BMPR1A: variants seen among roughly 807,000 people sequenced by gnomAD.
BMPR1A encodes bone morphogenetic protein receptor type 1A.
Under a neutral mutation model 66.0 loss-of-function variants are expected in BMPR1A, and 7 were observed. The ratio of observed to expected loss-of-function variants is 0.11; its 90% CI spans 0.06 to 0.20. The LOEUF is 0.20. Among genes scored for constraint, BMPR1A ranks in the 10% least tolerant of loss-of-function variants. The probability of loss-of-function intolerance (pLI) is 1.00; values close to 1 mark genes in which losing one functional copy is unlikely to be tolerated. For missense variants in BMPR1A, 408 were observed against 669.1 expected, an observed-to-expected ratio of 0.61 and a Z score of 4.31; for synonymous variants, 200 against 229.7, an observed-to-expected ratio of 0.87 and a Z score of 1.17.
At chr10:86,789,236 A>G (rs894713022) in intron 1 of BMPR1A, among the ~76,000 whole-genome samples, 1 of 152,232 alleles carries the variant, frequency 6.6e-6, no homozygotes, top group African/African-American at 2.4e-5. Flanking sequence ...TGGATTAGGC[A>G]GTGATTTCTT....
At chr10:86,919,671 T>A (rs1843632635) in intron 10 of BMPR1A, among the ~76,000 whole-genome samples, 1 of 151,260 alleles carries the variant, frequency 6.6e-6, no homozygotes, top group Admixed American at 6.6e-5. Context: ...TATATATATA[T>A]TTTTTTGGTG....
chr10:86,818,269 G>C (rs142132396), intron 1 of BMPR1A, among the ~76,000 whole-genome samples: 3 of 152,062 alleles, frequency 2.0e-5, no homozygotes, highest in African/African-American at 7.2e-5. Context: ...TGCCCTCCTC[G>C]GCCTCCAAAA....
At chr10:86,757,985 T>C (rs2132562420) in intron 1 of BMPR1A, among the ~76,000 whole-genome samples, 1 of 152,382 alleles carries the variant, frequency 6.6e-6, no homozygotes, top group Admixed American at 6.5e-5. Context: ...ACAACTACTT[T>C]ATTGTATTTA....
intron 11 of BMPR1A, 26 bp downstream of exon 11, chr10:86,921,721 A>G (rs1486321796): frequency 1.2e-6 from 2 of 1,614,078 alleles, no homozygotes; most frequent in South Asian, 1.1e-5. Flanking sequence ...GTTTCTGATT[A>G]TGTTGATTTA....
At chr10:86,870,127 T>C (rs375910804) in intron 2 of BMPR1A, among the ~76,000 whole-genome samples, 54 of 152,316 alleles carry the variant, frequency 3.5e-4, no homozygotes, top group African/African-American at 1.3e-3. Context: ...CCTCCCCTCT[T>C]TTCACTCTCT....
At chr10:86,811,734 A>G (rs1841973989) in intron 1 of BMPR1A, among the ~76,000 whole-genome samples, 1 of 152,216 alleles carries the variant, frequency 6.6e-6, no homozygotes, top group Admixed American at 6.5e-5. Context: ...TTGATGCTGA[A>G]TGCTGATTAG....
chr10:86,849,536 T>C (rs1372760252), intron 2 of BMPR1A, among the ~76,000 whole-genome samples: 2 of 152,260 alleles, frequency 1.3e-5, no homozygotes, highest in Non-Finnish European at 2.9e-5. Context: ...CAGTAACTTC[T>C]GTGCCTTAGA....
At chr10:86,886,880 G>A (rs1306001920) in intron 3 of BMPR1A, among the ~76,000 whole-genome samples, 8 of 136,416 alleles carry the variant, frequency 5.9e-5, no homozygotes, top group Non-Finnish European at 9.1e-5. Context: ...CGCCCAGGCT[G>A]AAGTGCAATG....
intron 2 of BMPR1A, among the ~76,000 whole-genome samples, chr10:86,857,721 G>T (rs61858635): frequency 0.015 from 2,199 of 144,878 alleles, 23 homozygotes; most frequent in Admixed American, 0.023. Context: ...CTCACACTGT[G>T]ACAGCTGGCT....
intron 5 of BMPR1A, 79 bp downstream of exon 5, chr10:86,892,308 G>T (rs1216919411): frequency 8.9e-7 from 1 of 1,128,770 alleles, no homozygotes; most frequent in Non-Finnish European, 1.3e-6. Flanking sequence ...GGAGAAACAT[G>T]CCTGGTGTAC....
intron 3 of BMPR1A, among the ~76,000 whole-genome samples, chr10:86,884,952 C>T (rs1187382529): frequency 6.6e-6 from 1 of 152,124 alleles, no homozygotes; most frequent in Non-Finnish European, 1.5e-5. Context: ...TTTTATTGGC[C>T]TTCCAAAAGT....
intron 3 of BMPR1A, among the ~76,000 whole-genome samples, chr10:86,879,527 A>G (rs1010297259): frequency 1.3e-5 from 2 of 152,208 alleles, no homozygotes; most frequent in Non-Finnish European, 2.9e-5. Flanking sequence ...GTTGCCAGCA[A>G]GGGAAGGAGG....
chr10:86,858,030 GAAGAGTATGA>G (rs1416574407), intron 2 of BMPR1A, among the ~76,000 whole-genome samples: 1 of 152,074 alleles, frequency 6.6e-6, no homozygotes, highest in Admixed American at 6.5e-5. Context: ...CTCTTAAAAA[GAAGAGTATGA>G]AAGAGTTTGT....
At chr10:86,757,441 T>G (rs1847894121) in intron 1 of BMPR1A, among the ~76,000 whole-genome samples, 1 of 152,200 alleles carries the variant, frequency 6.6e-6, no homozygotes, top group Non-Finnish European at 1.5e-5. Context: ...CGGCCTCCGC[T>G]CCGTGGCCTG....
At chr10:86,900,280 C>T (rs1307879728) in intron 7 of BMPR1A, among the ~76,000 whole-genome samples, 154 bp downstream of exon 7, 1 of 152,110 alleles carries the variant, frequency 6.6e-6, no homozygotes, top group East Asian at 1.9e-4. Context: ...GGGAAAAGGA[C>T]CTTACTACCA....
At chr10:86,800,726 A>G (rs1018954875) in intron 1 of BMPR1A, among the ~76,000 whole-genome samples, 7 of 152,270 alleles carry the variant, frequency 4.6e-5, no homozygotes, top group Admixed American at 3.9e-4. Flanking sequence ...ACAAGAAAGC[A>G]TGTAATTCTT....
Position 86,892,037 on chromosome 10 carries a change from A to T in BMPR1A, c.231-90A>T. The T allele has an allele frequency of 1.2e-5, 12 of 972,588 alleles. No homozygotes were observed. In the South Asian group the frequency reaches 1.5e-4, roughly 12 times the overall value. The allele number at this position is 972,588 out of a possible 1,614,324, so 60.2% of individuals were successfully genotyped here. A position where few individuals can be genotyped will look rare whatever the true frequency, so the allele number is the denominator to read the frequency against. ...GTCACAAAACAAAGTATTAAAGGCC[A>T]TCTGTACCTGTTCACATTCAGACTC... On this transcript the variant is annotated intron_variant, in intron 4 of 12. Coordinates refer to ENST00000372037, the MANE Select transcript of BMPR1A (RefSeq NM_004329.3).
intron 1 of BMPR1A, among the ~76,000 whole-genome samples, chr10:86,812,761 A>G (rs7906825): frequency 0.076 from 11,568 of 152,186 alleles, 843 homozygotes; most frequent in African/African-American, 0.19. Flanking sequence ...ATCCCCCACT[A>G]GAGTGGCACA....
rs140610221 is a variant in BMPR1A, at chr10:86,890,177, C to T, written c.183C>T (p.Cys61=). 29 of 1,613,994 alleles carry T rather than the reference C, an allele frequency of 1.8e-5. No individual in the cohort carries two copies. The highest frequency in any genetic ancestry group is 1.6e-4 in the Middle Eastern group (1 of 6,084). ...APEDTLPFLK[C]YCSGHCPDDA... ...AGGATACCTTGCCTTTTTTAAAGTG[C>T]TATTGCTCAGGGCACTGTCCAGATG... Residue 61 remains cysteine (C), a synonymous_variant, in exon 4 of 13, where the codon TGC becomes TGT. Coordinates refer to ENST00000372037, the MANE Select transcript of BMPR1A (RefSeq NM_004329.3).
Sources: gnomAD v4.1 joint callset for allele counts (sites outside exome capture counted in the v4.1 genomes callset) on GRCh38, gnomAD v4.1.1 for gene constraint, MANE v1.5 for transcripts, NCBI Gene and HGNC (gene_info 2026-07-23, HGNC 2026-07-21) for gene names.